EPHA6: variants seen among roughly 807,000 people sequenced by gnomAD.
EPHA6 encodes the protein EPH receptor A6.
Under a neutral mutation model 112.0 loss-of-function variants are expected in EPHA6, and 50 were observed. The observed-to-expected ratio is 0.45, with a 90% CI of 0.36 to 0.56. The LOEUF is 0.56. Ranked by LOEUF, EPHA6 falls within the 20% of genes least tolerant of loss-of-function variation. The pLI is 0.00. For synonymous variants in EPHA6, 529 were observed against 490.7 expected, an observed-to-expected ratio of 1.08 and a Z score of -1.03; for missense variants, 1,280 against 1,417.4, an observed-to-expected ratio of 0.90 and a Z score of 1.56.
intron 13 of EPHA6, among the ~76,000 whole-genome samples, chr3:97,632,473 A>G (rs1190153429): frequency 6.6e-6 from 1 of 152,000 alleles, no homozygotes; most frequent in Non-Finnish European, 1.5e-5. Context: ...TCTTCTCTCT[A>G]TTGCTCTCAA....
intron 7 of EPHA6, among the ~76,000 whole-genome samples, chr3:97,470,198 C>T (rs574024075): frequency 7.2e-5 from 11 of 151,798 alleles, no homozygotes; most frequent in African/African-American, 2.7e-4. Flanking sequence ...GATTTCTATA[C>T]ATGATCTGAG....
Position 96,915,658 on chromosome 3 carries a change from T to A in EPHA6, c.450+48769T>A, listed in dbSNP as rs530387673. On this transcript the variant is annotated intron_variant, in intron 2 of 17. Transcript: ENST00000389672. ...AGGGTTTAAATAAAAATATGCGTCATTCTAATACATGCCTTTCCCTTTATG... is the reference window on the plus strand; with the variant it reads ...AGGGTTTAAATAAAAATATGCGTCAATCTAATACATGCCTTTCCCTTTATG... Among the ~76,000 whole-genome samples the A allele has an allele frequency of 4.6e-5, 7 of 152,236 alleles. No homozygotes were observed. In the South Asian group the frequency reaches 1.4e-3, roughly 32 times the overall value.
At chr3:97,013,465 G>A (rs1277820845) in intron 3 of EPHA6, among the ~76,000 whole-genome samples, 1 of 151,780 alleles carries the variant, frequency 6.6e-6, no homozygotes, top group Non-Finnish European at 1.5e-5. Flanking sequence ...GTTTATTAAG[G>A]TGTGATGGAG....
At position 97,226,437 on chromosome 3, in the gene EPHA6, G is replaced by T; in HGVS notation, c.1270+18G>T. ...ATGTACCAGTAAGTCTATACATTTTGGATTTGGAAATTCTGTTTCCAACCC... is the reference window on the plus strand; with the variant it reads ...ATGTACCAGTAAGTCTATACATTTTTGATTTGGAAATTCTGTTTCCAACCC... On this transcript the variant is annotated intron_variant, in intron 4 of 17. Coordinates refer to ENST00000389672, the MANE Select transcript of EPHA6 (RefSeq NM_001080448.3). The T allele has an allele frequency of 1.3e-6, 2 of 1,576,088 alleles. No individual in the cohort carries two copies. The highest frequency in any genetic ancestry group is 2.3e-5 in the East Asian group (1 of 44,232).
intron 3 of EPHA6, among the ~76,000 whole-genome samples, chr3:97,186,235 A>G (rs1010705276): frequency 1.3e-5 from 2 of 152,038 alleles, no homozygotes; most frequent in Non-Finnish European, 2.9e-5. Context: ...CATCCTCAAG[A>G]ACTAAGCAGC....
chr3:96,988,786 G>T (rs909893132), intron 3 of EPHA6, among the ~76,000 whole-genome samples: 1 of 151,930 alleles, frequency 6.6e-6, no homozygotes, highest in African/African-American at 2.4e-5. Context: ...TGTTAACATC[G>T]CAAAATGCTA....
intron 7 of EPHA6, among the ~76,000 whole-genome samples, chr3:97,456,419 T>A (rs1430996641): frequency 6.6e-6 from 1 of 152,084 alleles, no homozygotes; most frequent in Non-Finnish European, 1.5e-5. Context: ...TTTCCCCATT[T>A]CTTTCTCATT....
intron 4 of EPHA6, among the ~76,000 whole-genome samples, chr3:97,241,607 A>G (rs76727734): frequency 6.6e-6 from 1 of 151,890 alleles, no homozygotes; most frequent in Non-Finnish European, 1.5e-5. Flanking sequence ...TCTAAATCTT[A>G]GTAAATGATT....
chr3:97,433,964 C>G (rs1368735106), intron 6 of EPHA6, among the ~76,000 whole-genome samples: 1 of 152,108 alleles, frequency 6.6e-6, no homozygotes, highest in Non-Finnish European at 1.5e-5. Context: ...CCTTTACCAC[C>G]AAACACCTTA....
At chr3:97,536,142 G>A in intron 11 of EPHA6, among the ~76,000 whole-genome samples, 1 of 152,072 alleles carries the variant, frequency 6.6e-6, no homozygotes, top group East Asian at 1.9e-4. Context: ...TAAGTTAGAG[G>A]ACAGACTTGT....
intron 14 of EPHA6, among the ~76,000 whole-genome samples, chr3:97,664,174 A>G (rs1297422584): frequency 3.3e-5 from 5 of 151,912 alleles, no homozygotes; most frequent in Non-Finnish European, 7.4e-5. Context: ...CCACTTTTTG[A>G]TGGGGTTGTT....
intron 3 of EPHA6, among the ~76,000 whole-genome samples, chr3:97,079,333 C>G (rs1415868307): frequency 6.6e-6 from 1 of 152,000 alleles, no homozygotes; most frequent in Non-Finnish European, 1.5e-5. Context: ...TTATCCTTAG[C>G]AAACTAACAC....
intron 2 of EPHA6, among the ~76,000 whole-genome samples, chr3:96,904,223 A>G (rs192076881): frequency 1.3e-5 from 2 of 151,994 alleles, no homozygotes; most frequent in East Asian, 3.9e-4. Flanking sequence ...TCCAACAATG[A>G]TAGACTGGAT....
At chr3:97,685,395 C>T (rs1374669542) in intron 14 of EPHA6, among the ~76,000 whole-genome samples, 1 of 152,172 alleles carries the variant, frequency 6.6e-6, no homozygotes, top group Non-Finnish European at 1.5e-5. Context: ...GTCACTGTAT[C>T]AGCAGGATGA....
chr3:97,076,571 C>T (rs2046533669), intron 3 of EPHA6, among the ~76,000 whole-genome samples: 1 of 152,160 alleles, frequency 6.6e-6, no homozygotes, highest in East Asian at 1.9e-4. Flanking sequence ...TCCAGAAGAT[C>T]TAGCTAATAT....
chr3:97,313,756 C>T (rs1283101015), intron 5 of EPHA6, among the ~76,000 whole-genome samples: 1 of 151,524 alleles, frequency 6.6e-6, no homozygotes, highest in African/African-American at 2.4e-5. Context: ...TGATACGTTC[C>T]TTATAATATT....
chr3:96,905,428 T>G (rs547822232), intron 2 of EPHA6, among the ~76,000 whole-genome samples: 1 of 152,150 alleles, frequency 6.6e-6, no homozygotes, highest in Non-Finnish European at 1.5e-5. Flanking sequence ...CTTGGCTTGA[T>G]CATCTAGCAT....
chr3:97,542,519 A>G (rs1270269095), intron 11 of EPHA6, among the ~76,000 whole-genome samples: 2 of 152,148 alleles, frequency 1.3e-5, no homozygotes, highest in African/African-American at 2.4e-5. Flanking sequence ...GTTGGTTCCA[A>G]GTCTTTGCTA....
chr3:97,431,555 C>A (rs1265217192), intron 6 of EPHA6, among the ~76,000 whole-genome samples: 1 of 152,040 alleles, frequency 6.6e-6, no homozygotes, highest in African/African-American at 2.4e-5. Context: ...TCCCTTGATT[C>A]GTGTGATTTT....
Sources: gnomAD v4.1 joint callset for allele counts (sites outside exome capture counted in the v4.1 genomes callset) on GRCh38, gnomAD v4.1.1 for gene constraint, MANE v1.5 for transcripts, NCBI Gene and HGNC (gene_info 2026-07-23, HGNC 2026-07-21) for gene names.